The following TAFA2 variants were observed in gnomAD, a reference collection of about 807,000 sequenced individuals.
The protein encoded by TAFA2 is chemokine-like protein TAFA-2.
In TAFA2, 7 loss-of-function variants were observed where a neutral mutation model predicts 18.8. The observed-to-expected ratio is 0.37, with a 90% CI of 0.21 to 0.70. The LOEUF is 0.70. TAFA2 is among the 30% of genes least tolerant of loss of function. The probability of loss-of-function intolerance (pLI) is 0.53; values close to 1 mark genes in which losing one functional copy is unlikely to be tolerated. For synonymous variants in TAFA2, 60 were observed against 54.2 expected, an observed-to-expected ratio of 1.11 and a Z score of -0.47; for missense variants, 122 against 158.1, an observed-to-expected ratio of 0.77 and a Z score of 1.23.
At chr12:62,195,693 T>C (rs561597516), upstream of TAFA2, among the ~76,000 whole-genome samples, 1 of 152,330 alleles carries the variant, frequency 6.6e-6, no homozygotes, top group African/African-American at 2.4e-5. Context: ...TTAAAATATT[T>C]AATAAAATAT....
At chr12:61,863,588 T>C (rs1181894320) in intron 2 of TAFA2, among the ~76,000 whole-genome samples, 2 of 152,170 alleles carry the variant, frequency 1.3e-5, no homozygotes, top group Non-Finnish European at 2.9e-5. Flanking sequence ...TTCTTGGAAA[T>C]TCTGACCAAC....
At chr12:62,048,551 C>A (rs140316896) in intron 1 of TAFA2, among the ~76,000 whole-genome samples, 2 of 152,272 alleles carry the variant, frequency 1.3e-5, no homozygotes, top group East Asian at 3.9e-4. Context: ...CTTAGCAGCT[C>A]ATTTTTTTCC....
At chr12:62,208,268 G>A (rs1405186186) in intron 1 of TAFA2, among the ~76,000 whole-genome samples, 1 of 151,754 alleles carries the variant, frequency 6.6e-6, no homozygotes. Flanking sequence ...AGGGGTCAAG[G>A]ACATATGAAC....
At chr12:62,161,128 C>A (rs969896929) in intron 1 of TAFA2, among the ~76,000 whole-genome samples, 1 of 152,138 alleles carries the variant, frequency 6.6e-6, no homozygotes, top group Non-Finnish European at 1.5e-5. Flanking sequence ...TTACAACTTT[C>A]GCTTTGCAAA....
intron 2 of TAFA2, among the ~76,000 whole-genome samples, chr12:61,790,731 A>G (rs1264124019): frequency 1.3e-5 from 2 of 151,878 alleles, no homozygotes; most frequent in African/African-American, 4.8e-5. Context: ...GAATAATCTG[A>G]TAGACATTTC....
At chr12:61,751,673 A>C (rs1423208829) in intron 4 of TAFA2, among the ~76,000 whole-genome samples, 1 of 152,068 alleles carries the variant, frequency 6.6e-6, no homozygotes, top group Non-Finnish European at 1.5e-5. Context: ...CTCTATATAG[A>C]GGATAATGTC....
At chr12:62,021,632 TG>T in intron 1 of TAFA2, 3 of 1,145,266 alleles carry the variant, frequency 2.6e-6, no homozygotes, top group Non-Finnish European at 4.0e-6. Context: ...TGTTCTGAGA[TG>T]GGGTGGTGTG....
intron 4 of TAFA2, among the ~76,000 whole-genome samples, chr12:61,746,014 G>C (rs1327879815): frequency 6.6e-6 from 1 of 151,846 alleles, no homozygotes; most frequent in African/African-American, 2.4e-5. Flanking sequence ...AATAAGGCCA[G>C]AGAGCCTCCT....
Position 61,770,552 on chromosome 12 carries a change from T to C in TAFA2, c.107-15528A>G, listed in dbSNP as rs528815413. ...ACAGCAGATTTCTCAACAGAAGCTA[T>C]ACAAGCTAGAAGGGATTGGGGTCCT... On this transcript the variant is annotated intron_variant, in intron 2 of 4. Coordinates refer to ENST00000416284, the MANE Select transcript of TAFA2 (RefSeq NM_178539.5). Among the ~76,000 whole-genome samples the C allele has an allele frequency of 5.3e-5, 8 of 152,242 alleles. No homozygotes were observed. The South Asian group carries it at 6.2e-4, about 12-fold the overall frequency.
intron 4 of TAFA2, among the ~76,000 whole-genome samples, chr12:61,713,803 G>C (rs189303239): frequency 6.6e-6 from 1 of 152,020 alleles, no homozygotes; most frequent in Non-Finnish European, 1.5e-5. Flanking sequence ...GGCATGCTGG[G>C]GGGGAAACAT....
intron 1 of TAFA2, among the ~76,000 whole-genome samples, chr12:61,998,116 A>C (rs968746331): frequency 6.6e-6 from 1 of 152,150 alleles, no homozygotes; most frequent in Non-Finnish European, 1.5e-5. Flanking sequence ...GATGAGAACA[A>C]ATATAAGGAA....
intron 4 of TAFA2, among the ~76,000 whole-genome samples, chr12:61,720,025 G>T (rs1869828646): frequency 6.6e-6 from 1 of 151,878 alleles, no homozygotes; most frequent in African/African-American, 2.4e-5. Context: ...TTAACATGTT[G>T]GGTGCTTTTG....
intron 1 of TAFA2, among the ~76,000 whole-genome samples, chr12:61,951,271 TC>T (rs1878457103): frequency 6.6e-6 from 1 of 152,176 alleles, no homozygotes; most frequent in African/African-American, 2.4e-5. Context: ...CAAATGGTCT[TC>T]CCAAGAAGAG....
At chr12:62,143,703 T>C (rs1249679348) in intron 1 of TAFA2, among the ~76,000 whole-genome samples, 4 of 152,114 alleles carry the variant, frequency 2.6e-5, no homozygotes, top group African/African-American at 7.2e-5. Context: ...AAATCTCTTC[T>C]TGATGTCATC....
At chr12:61,754,217 AGGG>A (rs1375909234) in intron 3 of TAFA2, among the ~76,000 whole-genome samples, 63 of 152,100 alleles carry the variant, frequency 4.1e-4, no homozygotes, top group African/African-American at 1.4e-3. Context: ...GGTTATCAGG[AGGG>A]TGTTTATCAG....
chr12:61,966,946 A>G (rs973389981), intron 1 of TAFA2, among the ~76,000 whole-genome samples: 1 of 151,796 alleles, frequency 6.6e-6, no homozygotes, highest in Non-Finnish European at 1.5e-5. Context: ...ATCTTTTCCT[A>G]TGTGTATATG....
intron 1 of TAFA2, among the ~76,000 whole-genome samples, chr12:62,055,561 A>T (rs1164063994): frequency 6.6e-6 from 1 of 152,210 alleles, no homozygotes; most frequent in Non-Finnish European, 1.5e-5. Context: ...ACAAACTAGA[A>T]AGATTGAAAA....
At chr12:62,203,469 T>C (rs1245314295) in intron 1 of TAFA2, among the ~76,000 whole-genome samples, 1 of 152,250 alleles carries the variant, frequency 6.6e-6, no homozygotes. Flanking sequence ...TGTGTGGGCA[T>C]CTAAGTCTCT....
intron 1 of TAFA2, among the ~76,000 whole-genome samples, chr12:62,007,999 C>T (rs1378782259): frequency 1.3e-5 from 2 of 152,118 alleles, no homozygotes. Flanking sequence ...CCTTCCCAGC[C>T]TCTGATAACC....
Sources: allele counts gnomAD v4.1 joint callset (sites outside exome capture counted in the v4.1 genomes callset), GRCh38; gene constraint gnomAD v4.1.1; transcripts MANE v1.5; gene names NCBI Gene and HGNC (gene_info 2026-07-23, HGNC 2026-07-21).